Variants in PRRX2 observed in about 807,000 individuals in gnomAD.
The protein encoded by PRRX2 is paired related homeobox 2.
PRRX2 carries 11 observed loss-of-function variants against 18.0 expected under a neutral mutation model. The ratio of observed to expected loss-of-function variants is 0.61; its 90% confidence interval spans 0.39 to 1.01. The LOEUF is 1.01. Among genes scored for constraint, PRRX2 ranks in the 50% least tolerant of loss-of-function variants. The pLI, the probability that PRRX2 is intolerant of heterozygous loss-of-function variation, is 0.01. For missense variants in PRRX2, 387 were observed against 351.0 expected (o/e 1.10, Z -0.82); for synonymous variants, 177 against 154.8 (o/e 1.14, Z -1.06).
intron 2 of PRRX2, 23 bp downstream of exon 2, chr9:129,719,441 C>T (rs1411592152): frequency 1.0e-5 from 15 of 1,482,912 alleles, no homozygotes; most frequent in Non-Finnish European, 1.2e-5. Flanking sequence ...TCCCGGGCCT[C>T]CCGTGGGAGC....
intron 1 of PRRX2, among the ~76,000 whole-genome samples, chr9:129,700,011 A>C (rs963879512): frequency 2.6e-5 from 4 of 152,244 alleles, no homozygotes; most frequent in Non-Finnish European, 4.4e-5. Context: ...CTGCACAGCC[A>C]ATATACAGCA....
chr9:129,673,802 G>A (rs970564624), intron 1 of PRRX2, among the ~76,000 whole-genome samples: 11 of 152,342 alleles, frequency 7.2e-5, no homozygotes, highest in African/African-American at 2.2e-4. Context: ...GCACCTGTGC[G>A]GGCCAAGGGT....
intron 1 of PRRX2, among the ~76,000 whole-genome samples, chr9:129,693,074 T>C (rs1246464201): frequency 6.6e-6 from 1 of 152,200 alleles, no homozygotes; most frequent in East Asian, 1.9e-4. Context: ...GTCAGTGTTC[T>C]GGATTCTGGG....
At chr9:129,717,592 A>G (rs898480005) in intron 1 of PRRX2, among the ~76,000 whole-genome samples, 3 of 150,386 alleles carry the variant, frequency 2.0e-5, no homozygotes, top group Non-Finnish European at 4.4e-5. Context: ...GCTACTCGAG[A>G]GGCTGAGGCA....
chr9:129,718,570 T>C (rs1053432824), intron 1 of PRRX2: 3 of 152,264 alleles, frequency 2.0e-5, no homozygotes, highest in African/African-American at 7.2e-5. Flanking sequence ...AGGACTCTCG[T>C]ACCCGATTGG....
chr9:129,712,024 A>T (rs10988481), intron 1 of PRRX2, among the ~76,000 whole-genome samples: 8,910 of 152,178 alleles, frequency 0.059, 373 homozygotes, highest in Non-Finnish European at 0.088. Context: ...CGAAGCCTCC[A>T]CGGCCTCTCC....
intron 1 of PRRX2, among the ~76,000 whole-genome samples, chr9:129,671,000 T>C (rs1447691327): frequency 6.6e-6 from 1 of 151,964 alleles, no homozygotes. Flanking sequence ...ACCTTGGGGG[T>C]GTCATGTCAC....
intron 1 of PRRX2, among the ~76,000 whole-genome samples, chr9:129,690,248 G>A (rs187169739): frequency 3.3e-5 from 5 of 152,258 alleles, no homozygotes; most frequent in South Asian, 2.1e-4. Context: ...GCTGGGGCCC[G>A]AGTTTTCTCC....
In PRRX2 at chr9:129,684,532, A is replaced by ACACACACACACACC. The variant is rs1165343797; in HGVS notation, c.259+18407_259+18408insACACACACACACCC. 4.3e-3 allele frequency among the ~76,000 whole-genome samples: 606 copies of ACACACACACACACC among 140,322 alleles called. 10 individuals carry two copies. The highest frequency in any genetic ancestry group is 4.9e-3 in the Non-Finnish European group (320 of 65,758). 92.1% of individuals were successfully genotyped at this position (140,322 alleles called of 152,430 possible). A position where few individuals can be genotyped will look rare whatever the true frequency, so the allele number is the denominator to read the frequency against. On this transcript the variant is annotated intron_variant, in intron 1 of 3. Coordinates refer to ENST00000372469, the MANE Select transcript of PRRX2 (RefSeq NM_016307.4). ...CACACACACACACACACCCACACACACCCCAACAGAAAAGAGACCAGAAAT... is the reference window on the plus strand; with the variant it reads ...CACACACACACACACACCCACACACACACACACACACACCCCCCAACAGAAAAGAGACCAGAAAT...
Position 129,719,304 on chromosome 9 carries a change from C to T in PRRX2, c.333C>T (p.Phe111=), listed in dbSNP as rs1169484391. The T allele has an allele frequency of 1.9e-6, 3 of 1,610,570 alleles. No individual in the cohort carries two copies. Among genetic ancestry groups the T allele is most frequent in the Non-Finnish European group, 2.5e-6 (3 of 1,179,012 alleles). ...KKKQRRNRTT[F]NSSQLQALER... ...AGCAGCGGCGGAACCGCACCACGTT[C>T]AACAGCAGCCAACTGCAGGCGCTGG... is the stretch of plus-strand genomic sequence containing the variant. The change falls in exon 2 of 4, where the codon TTC becomes TTT. Residue 111 remains phenylalanine (F), a synonymous_variant. Coordinates refer to ENST00000372469, the MANE Select transcript of PRRX2 (RefSeq NM_016307.4).
Position 129,722,396 on chromosome 9 carries a change from C to A in PRRX2, c.*44C>A. ...CCCAGACGCCTCCCTGGGTGGACAG[C>A]AATAGAAAAGGGGGCAGACGCCCAG... On this transcript the variant is annotated 3_prime_UTR_variant, in exon 4 of 4. Coordinates refer to ENST00000372469, the MANE Select transcript of PRRX2 (RefSeq NM_016307.4). 6.2e-7 allele frequency: 1 copy of A among 1,604,488 alleles called. No homozygotes were observed. Among genetic ancestry groups the A allele is most frequent in the Non-Finnish European group, 8.5e-7 (1 of 1,175,060 alleles).
intron 1 of PRRX2, among the ~76,000 whole-genome samples, chr9:129,676,925 G>C (rs1482804002): frequency 1.3e-5 from 2 of 152,222 alleles, no homozygotes; most frequent in African/African-American, 4.8e-5. Context: ...TGGGCATTTT[G>C]TTTCATTTCC....
chr9:129,678,134 T>C (rs1832184480), intron 1 of PRRX2, among the ~76,000 whole-genome samples: 1 of 151,970 alleles, frequency 6.6e-6, no homozygotes, highest in Non-Finnish European at 1.5e-5. Flanking sequence ...TGGCACATTT[T>C]TGTATTTTTA....
At chr9:129,668,258 G>T (rs1485776529) in intron 1 of PRRX2, among the ~76,000 whole-genome samples, 2 of 152,212 alleles carry the variant, frequency 1.3e-5, no homozygotes, top group Non-Finnish European at 2.9e-5. Flanking sequence ...CTCCAAAGGT[G>T]GGGGAGATGG....
intron 1 of PRRX2, 49 bp downstream of exon 1, chr9:129,666,175 C>A: frequency 1.2e-6 from 1 of 830,644 alleles, no homozygotes; most frequent in Non-Finnish European, 1.4e-6. Flanking sequence ...GGGCCGGGGC[C>A]GGGGCCGGGG....
intron 1 of PRRX2, among the ~76,000 whole-genome samples, chr9:129,672,087 C>T (rs888052266): frequency 4.6e-5 from 7 of 152,110 alleles, no homozygotes; most frequent in South Asian, 2.1e-4. Flanking sequence ...GGGGCACTTC[C>T]GTGGTTTCCT....
chr9:129,716,335 T>C (rs1832706217), intron 1 of PRRX2, among the ~76,000 whole-genome samples: 1 of 152,138 alleles, frequency 6.6e-6, no homozygotes, highest in African/African-American at 2.4e-5. Context: ...AGTCACATGG[T>C]AGACTGCTAT....
intron 1 of PRRX2, among the ~76,000 whole-genome samples, chr9:129,713,653 G>A (rs1191949355): frequency 1.3e-5 from 2 of 150,586 alleles, no homozygotes; most frequent in South Asian, 2.1e-4. Flanking sequence ...TTTTTTAGAC[G>A]GAATTTCACT....
intron 1 of PRRX2, among the ~76,000 whole-genome samples, chr9:129,669,748 G>A (rs1477379968): frequency 6.6e-6 from 1 of 152,126 alleles, no homozygotes; most frequent in Non-Finnish European, 1.5e-5. Flanking sequence ...GGTTTGTGGT[G>A]GGGGTCCCCA....
Sources: gnomAD v4.1 joint callset for allele counts (sites outside exome capture counted in the v4.1 genomes callset) on GRCh38, gnomAD v4.1.1 for gene constraint, MANE v1.5 for transcripts, NCBI Gene and HGNC (gene_info 2026-07-23, HGNC 2026-07-21) for gene names.